RAB9B: variants seen among roughly 807,000 people sequenced by gnomAD.
RAB9B encodes the protein ras-related protein Rab-9B.
In RAB9B, 1 loss-of-function variant was observed where a neutral mutation model predicts 8.9. That is an observed-to-expected ratio of 0.11 (90% CI 0.04 to 0.53). The LOEUF (loss-of-function observed/expected upper bound fraction) is 0.53. Among genes scored for constraint, RAB9B ranks in the 20% least tolerant of loss-of-function variants. The pLI is 0.93. For missense variants in RAB9B, 82 were observed against 152.9 expected (o/e 0.54, Z 2.45); for synonymous variants, 63 against 57.0 (o/e 1.10, Z -0.47).
the RAB9B span, chrX:103,792,745 T>C: frequency 8.9e-6 from 1 of 112,634 alleles, no homozygotes; most frequent in South Asian, 3.7e-4. Flanking sequence ...TTCTCTGAAA[T>C]AAATAGTATA....
the RAB9B span, among the ~76,000 whole-genome samples, chrX:103,794,490 G>T: frequency 9.0e-6 from 1 of 111,473 alleles, no homozygotes; most frequent in Non-Finnish European, 1.9e-5. Flanking sequence ...TATTCAGTCT[G>T]GCCTTTTGTC....
the RAB9B span, among the ~76,000 whole-genome samples, chrX:103,812,727 C>T: frequency 9.0e-6 from 1 of 111,134 alleles, no homozygotes; most frequent in Non-Finnish European, 1.9e-5. Context: ...GCCAGAGCTG[C>T]TTGCTACTGT....
chrX:103,791,632 T>C, the RAB9B span: 1 of 112,974 alleles, frequency 8.9e-6, no homozygotes, highest in South Asian at 3.7e-4. Flanking sequence ...GTAGGTGATT[T>C]GAAGGTCTTG....
the RAB9B span, chrX:103,785,535 A>G: frequency 9.2e-7 from 1 of 1,091,072 alleles, no homozygotes; most frequent in South Asian, 1.8e-5. Context: ...GAGTGGCATG[A>G]GCTACCTACT....
the RAB9B span, chrX:103,787,516 C>A: frequency 1.7e-4 from 69 of 408,232 alleles, 1 homozygote; most frequent in East Asian, 2.6e-3. Flanking sequence ...TTCTTTACAC[C>A]TTATCTGCCC....
intron 2 of RAB9B, 119 bp downstream of exon 2, chrX:103,826,886 C>T (rs1461236905): frequency 2.7e-5 from 3 of 111,200 alleles, no homozygotes; most frequent in Non-Finnish European, 5.7e-5. Flanking sequence ...AATTTAGTAG[C>T]CCTTAAAATG....
At chrX:103,784,762 GT>G in the RAB9B span, among the ~76,000 whole-genome samples, 1 of 112,257 alleles carries the variant, frequency 8.9e-6, no homozygotes, top group Middle Eastern at 4.2e-3. Flanking sequence ...TGCCTGAATT[GT>G]TAGTTGAAAA....
At chrX:103,800,709 C>A in the RAB9B span, among the ~76,000 whole-genome samples, 10 of 111,800 alleles carry the variant, frequency 8.9e-5, no homozygotes, top group South Asian at 7.6e-4. Flanking sequence ...GCGTGAGAGA[C>A]CTTGTCTGGC....
chrX:103,821,128 C>G (rs1051373785), downstream of RAB9B, among the ~76,000 whole-genome samples: 3 of 109,624 alleles, frequency 2.7e-5, no homozygotes, highest in African/African-American at 1.0e-4. Flanking sequence ...GATCAGGCCA[C>G]TACACTCTAG....
chrX:103,781,021 T>C, the RAB9B span: 2 of 164,906 alleles, frequency 1.2e-5, no homozygotes, highest in Middle Eastern at 2.8e-3. Context: ...TGTTTAGCTC[T>C]ATTGTATAGG....
the RAB9B span, among the ~76,000 whole-genome samples, chrX:103,798,205 G>A: frequency 8.9e-6 from 1 of 112,027 alleles, no homozygotes; most frequent in African/African-American, 3.2e-5. Context: ...TTCATGTACT[G>A]CTGTTCTAAT....
the RAB9B span, among the ~76,000 whole-genome samples, chrX:103,779,375 C>G: frequency 1.8e-5 from 2 of 111,901 alleles, no homozygotes; most frequent in African/African-American, 6.5e-5. Context: ...GTAGCCCAGG[C>G]AAAAAGTGTG....
the RAB9B span, among the ~76,000 whole-genome samples, chrX:103,789,958 T>C: frequency 2.7e-5 from 3 of 112,115 alleles, no homozygotes; most frequent in East Asian, 8.4e-4. Context: ...TGTAGTGTGC[T>C]CATTGTGCAG....
At chrX:103,803,088 A>G in the RAB9B span, among the ~76,000 whole-genome samples, 2,508 of 112,085 alleles carry the variant, frequency 0.022, 26 homozygotes, top group Middle Eastern at 0.055. Flanking sequence ...CATTTTGTTT[A>G]TCTATTCTTC....
chrX:103,819,739 TAAA>T (rs2074652539), downstream of RAB9B, among the ~76,000 whole-genome samples: 1 of 112,177 alleles, frequency 8.9e-6, no homozygotes, highest in Non-Finnish European at 1.9e-5. Context: ...TTCCTTCTCT[TAAA>T]GAGAAAGTAG....
At chrX:103,785,836 T>G in the RAB9B span, 1 of 969,934 alleles carries the variant, frequency 1.0e-6, no homozygotes, top group Non-Finnish European at 1.5e-6. Flanking sequence ...GATAGAGAAC[T>G]CTTCAGTACC....
chrX:103,822,024 A>G (rs1052994536), downstream of RAB9B, among the ~76,000 whole-genome samples: 1 of 111,945 alleles, frequency 8.9e-6, no homozygotes, highest in Admixed American at 9.5e-5. Context: ...GCTATGAGCC[A>G]TGATTGCGCC....
At chrX:103,806,513 C>G in the RAB9B span, among the ~76,000 whole-genome samples, 1 of 111,641 alleles carries the variant, frequency 9.0e-6, no homozygotes, top group Non-Finnish European at 1.9e-5. Context: ...TATGGCTTAA[C>G]ATATAATCTA....
At chrX:103,811,624 C>T in the RAB9B span, among the ~76,000 whole-genome samples, 1 of 111,287 alleles carries the variant, frequency 9.0e-6, no homozygotes, top group East Asian at 2.8e-4. Flanking sequence ...CATGCAGAGA[C>T]ACAATAGCTT....
Sources: gnomAD v4.1 joint callset for allele counts (sites outside exome capture counted in the v4.1 genomes callset) on GRCh38, gnomAD v4.1.1 for gene constraint, MANE v1.5 for transcripts, NCBI Gene and HGNC (gene_info 2026-07-23, HGNC 2026-07-21) for gene names.